Variants in FAM131C observed in about 807,000 individuals in gnomAD.
The protein encoded by FAM131C is family with sequence similarity 131 member C.
Under a neutral mutation model 29.8 loss-of-function variants are expected in FAM131C, and 14 were observed. The ratio of observed to expected loss-of-function variants is 0.47; its 90% CI spans 0.31 to 0.73. The LOEUF is 0.73. FAM131C is among the 30% of genes least tolerant of loss of function. The pLI is 0.05. For missense variants in FAM131C, 252 were observed against 383.8 expected (o/e 0.66, Z 2.87); for synonymous variants, 86 against 157.8 (o/e 0.54, Z 3.41).
chr1:16,068,063 C>T (rs746489927), intron 1 of FAM131C, among the ~76,000 whole-genome samples: 2 of 152,228 alleles, frequency 1.3e-5, no homozygotes, highest in African/African-American at 4.8e-5. Flanking sequence ...TGCTCCTCCC[C>T]GGCCAGCCTC....
intron 6 of FAM131C, among the ~76,000 whole-genome samples, chr1:16,059,098 G>C (rs1027824283): frequency 2.0e-5 from 3 of 151,664 alleles, no homozygotes; most frequent in Non-Finnish European, 4.4e-5. Context: ...GCTCGTGCCT[G>C]GTGCTAAGTT....
At position 16,058,284 on chromosome 1, in the gene FAM131C, T is replaced by A. The variant is rs573945567; in HGVS notation, c.*153A>T. On this transcript the variant is annotated 3_prime_UTR_variant, in exon 7 of 7. Transcript: ENST00000375662. Reference sequence around the variant, plus strand: ...CCACCGAGGCACAGAGAGGCCACCATGAGCACTGGCCCCATCCCTGCCGCA... The same window carrying A: ...CCACCGAGGCACAGAGAGGCCACCAAGAGCACTGGCCCCATCCCTGCCGCA... 1.5e-5 allele frequency: 9 copies of A among 614,634 alleles called. No homozygotes were observed. Among genetic ancestry groups the A allele is most frequent in the African/African-American group, 3.7e-5 (2 of 53,476 alleles). 38.1% of individuals were successfully genotyped at this position (614,634 alleles called of 1,614,324 possible).
In FAM131C at chr1:16,058,360, G is replaced by A. The variant is rs1292782705; in HGVS notation, c.*77C>T. ...CAAGGGATGCCCTGCCCTGGACCCCGGGGTCCAGATATGCCTGGGCTGCCC... is the reference window on the plus strand; with the variant it reads ...CAAGGGATGCCCTGCCCTGGACCCCAGGGTCCAGATATGCCTGGGCTGCCC... On this transcript the variant is annotated 3_prime_UTR_variant, in exon 7 of 7. Coordinates refer to ENST00000375662, the MANE Select transcript of FAM131C (RefSeq NM_182623.3). The A allele has an allele frequency of 7.9e-5, 109 of 1,374,372 alleles. No individual in the cohort carries two copies. The highest frequency in any genetic ancestry group is 2.2e-4 in the Admixed American group (7 of 31,600). 85.1% of individuals were successfully genotyped at this position (1,374,372 alleles called of 1,614,324 possible). A position where few individuals can be genotyped will look rare whatever the true frequency, so the allele number is the denominator to read the frequency against.
chr1:16,062,910 G>T (rs112688718), intron 2 of FAM131C, among the ~76,000 whole-genome samples: 2 of 152,028 alleles, frequency 1.3e-5, no homozygotes, highest in African/African-American at 4.8e-5. Flanking sequence ...ATAACATAAC[G>T]GAGGCTGAGA....
chr1:16,059,472 C>T (rs367994946), intron 6 of FAM131C, 22 bp downstream of exon 6: 104 of 1,610,508 alleles, frequency 6.5e-5, no homozygotes, highest in Non-Finnish European at 8.4e-5. Flanking sequence ...CACCCCCGCC[C>T]CCTGGACCCT....
intron 1 of FAM131C, among the ~76,000 whole-genome samples, chr1:16,067,126 C>T (rs2023692457): frequency 1.3e-5 from 2 of 152,282 alleles, no homozygotes; most frequent in Admixed American, 6.5e-5. Context: ...GGACTCCTGG[C>T]TCCCACCCCC....
chr1:16,065,670 G>T (rs756577592), intron 1 of FAM131C, among the ~76,000 whole-genome samples: 2 of 152,284 alleles, frequency 1.3e-5, no homozygotes, highest in Admixed American at 1.3e-4. Context: ...TTTTGTCTGG[G>T]ATCCGAAAAT....
At chr1:16,063,462 G>T in intron 2 of FAM131C, 59 bp downstream of exon 2, 1 of 1,305,990 alleles carries the variant, frequency 7.7e-7, no homozygotes, top group South Asian at 1.2e-5. Flanking sequence ...TCCCTGCGGG[G>T]AGGAGACAGG....
chr1:16,068,364 G>A (rs11801060), intron 1 of FAM131C, among the ~76,000 whole-genome samples: 7,705 of 152,312 alleles, frequency 0.051, 279 homozygotes, highest in African/African-American at 0.099. Flanking sequence ...GGAAGCACCT[G>A]CCACAGCAAG....
intron 4 of FAM131C, among the ~76,000 whole-genome samples, chr1:16,061,569 G>A (rs934290811): frequency 3.3e-5 from 5 of 152,164 alleles, no homozygotes; most frequent in Admixed American, 6.5e-5. Flanking sequence ...AGCAATGGGG[G>A]AATATAAAGT....
intron 1 of FAM131C, 116 bp from the exon 2 acceptor site, chr1:16,063,752 G>A (rs1256361786): frequency 1.4e-5 from 9 of 644,282 alleles, no homozygotes; most frequent in Middle Eastern, 5.9e-4. Flanking sequence ...CAACAACATC[G>A]TAGAGAAAGC....
At chr1:16,063,381 C>A (rs981217009) in intron 2 of FAM131C, 140 bp downstream of exon 2, 4 of 663,080 alleles carry the variant, frequency 6.0e-6, no homozygotes, top group East Asian at 5.6e-5. Context: ...GAATACCAGG[C>A]CTTAGGGCCC....
chr1:16,070,286 C>T (rs1414241042), intron 1 of FAM131C, among the ~76,000 whole-genome samples: 4 of 152,180 alleles, frequency 2.6e-5, no homozygotes, highest in African/African-American at 7.2e-5. Context: ...GCTCAACAAA[C>T]GGTAGCTTAA....
intron 1 of FAM131C, among the ~76,000 whole-genome samples, chr1:16,068,222 C>T (rs769569030): frequency 1.3e-5 from 2 of 152,256 alleles, no homozygotes; most frequent in Non-Finnish European, 2.9e-5. Flanking sequence ...ATTCCTCTTA[C>T]GGTCCCTGAG....
intron 1 of FAM131C, among the ~76,000 whole-genome samples, chr1:16,064,247 C>G (rs2023644987): frequency 6.6e-6 from 1 of 152,188 alleles, no homozygotes; most frequent in Non-Finnish European, 1.5e-5. Flanking sequence ...CACCCCCTCC[C>G]CTACCCCACA....
intron 1 of FAM131C, among the ~76,000 whole-genome samples, chr1:16,068,851 C>G (rs1416297317): frequency 6.6e-6 from 1 of 152,194 alleles, no homozygotes; most frequent in Non-Finnish European, 1.5e-5. Flanking sequence ...AGCCTCACCT[C>G]CCACAAGCAA....
At chr1:16,060,974 A>G (rs10927899) in intron 4 of FAM131C, among the ~76,000 whole-genome samples, 80,858 of 151,482 alleles carry the variant, frequency 0.53, 22,562 homozygotes, top group African/African-American at 0.63. Flanking sequence ...GGGCTTTGGG[A>G]GTAGAGCTGT....
At chr1:16,066,058 T>A (rs2023678822) in intron 1 of FAM131C, among the ~76,000 whole-genome samples, 1 of 152,100 alleles carries the variant, frequency 6.6e-6, no homozygotes, top group Non-Finnish European at 1.5e-5. Flanking sequence ...TGCTCATTTT[T>A]ATATTTCCAG....
chr1:16,068,670 T>G (rs905610832), intron 1 of FAM131C, among the ~76,000 whole-genome samples: 1 of 152,110 alleles, frequency 6.6e-6, no homozygotes, highest in African/African-American at 2.4e-5. Flanking sequence ...AGCTCATCTG[T>G]GGGTTGGCTC....
Sources: allele counts gnomAD v4.1 joint callset (sites outside exome capture counted in the v4.1 genomes callset), GRCh38; gene constraint gnomAD v4.1.1; transcripts MANE v1.5; gene names NCBI Gene and HGNC (gene_info 2026-07-23, HGNC 2026-07-21).